Variants in MSRA observed in about 807,000 individuals in gnomAD.
MSRA encodes the protein methionine sulfoxide reductase A, also known as mitochondrial peptide methionine sulfoxide reductase.
Under a neutral mutation model 31.3 loss-of-function variants are expected in MSRA, and 54 were observed. That is an observed-to-expected ratio of 1.73 (90% CI 1.39 to 2.17). MSRA has a LOEUF of 2.17. Among genes scored for constraint, MSRA ranks in the 30% most tolerant of loss-of-function variants. The pLI, the probability that MSRA is intolerant of heterozygous loss-of-function variation, is 0.00. For synonymous variants in MSRA, 169 were observed against 116.5 expected (o/e 1.45, Z -2.90); for missense variants, 507 against 300.9 (o/e 1.69, Z -5.07).
intron 3 of MSRA, among the ~76,000 whole-genome samples, chr8:10,287,695 G>A (rs757015453): frequency 3.9e-5 from 6 of 152,136 alleles, no homozygotes; most frequent in African/African-American, 7.2e-5. Flanking sequence ...ACAGGCAAAG[G>A]CACGTAGTCT....
intron 3 of MSRA, among the ~76,000 whole-genome samples, chr8:10,260,845 G>T (rs138908629): frequency 2.0e-5 from 3 of 152,162 alleles, no homozygotes; most frequent in African/African-American, 7.2e-5. Context: ...TCTGAATGTT[G>T]TAATCGTATG....
At chr8:10,378,787 A>T (rs971081352) in intron 5 of MSRA, among the ~76,000 whole-genome samples, 4 of 152,238 alleles carry the variant, frequency 2.6e-5, no homozygotes, top group African/African-American at 9.6e-5. Context: ...CCAGTAATTC[A>T]TGTTTAAAAA....
chr8:10,263,685 T>A (rs1004098624), intron 3 of MSRA, among the ~76,000 whole-genome samples: 5 of 152,116 alleles, frequency 3.3e-5, no homozygotes, highest in Non-Finnish European at 7.3e-5. Context: ...ACACCTTGGG[T>A]CTTTCTGAAG....
At chr8:10,076,051 A>T (rs930721286) in intron 1 of MSRA, among the ~76,000 whole-genome samples, 1 of 152,084 alleles carries the variant, frequency 6.6e-6, no homozygotes, top group Non-Finnish European at 1.5e-5. Context: ...CAGGGACTTC[A>T]CGTCTGGACT....
chr8:10,080,437 C>T (rs564515279), intron 1 of MSRA, among the ~76,000 whole-genome samples: 1 of 152,030 alleles, frequency 6.6e-6, no homozygotes, highest in Admixed American at 6.5e-5. Context: ...TGGTTTCCTC[C>T]AGGAGCCGAG....
At chr8:10,260,035 G>T (rs1348634869) in intron 3 of MSRA, among the ~76,000 whole-genome samples, 2 of 152,262 alleles carry the variant, frequency 1.3e-5, no homozygotes, top group Admixed American at 6.5e-5. Flanking sequence ...AGAGGGAGCA[G>T]TTCCGGGAAA....
chr8:10,170,690 T>C (rs1805518180), intron 1 of MSRA, among the ~76,000 whole-genome samples: 1 of 152,238 alleles, frequency 6.6e-6, no homozygotes, highest in African/African-American at 2.4e-5. Context: ...TACATGCTTA[T>C]ACTGTGCCAT....
intron 3 of MSRA, among the ~76,000 whole-genome samples, chr8:10,291,672 C>G (rs971044382): frequency 6.6e-6 from 1 of 152,036 alleles, no homozygotes; most frequent in Non-Finnish European, 1.5e-5. Flanking sequence ...CACCCACCCT[C>G]GCCCCTTTCT....
intron 1 of MSRA, among the ~76,000 whole-genome samples, chr8:10,167,116 C>G (rs1477905108): frequency 1.3e-5 from 2 of 152,128 alleles, no homozygotes; most frequent in Non-Finnish European, 2.9e-5. Context: ...CATTCTCTTC[C>G]AACACTGCTT....
At chr8:10,378,581 G>A (rs763199810) in intron 5 of MSRA, among the ~76,000 whole-genome samples, 34 of 152,148 alleles carry the variant, frequency 2.2e-4, no homozygotes, top group Admixed American at 1.5e-3. Context: ...TTCATCTCCC[G>A]GCCAGGAGAG....
At chr8:10,310,295 T>C (rs1392734719) in intron 4 of MSRA, among the ~76,000 whole-genome samples, 1 of 152,216 alleles carries the variant, frequency 6.6e-6, no homozygotes, top group Non-Finnish European at 1.5e-5. Flanking sequence ...TGAAAGGGAT[T>C]TCATTCTTTT....
chr8:10,063,079 C>G (rs1387669354), intron 1 of MSRA, among the ~76,000 whole-genome samples: 4 of 152,172 alleles, frequency 2.6e-5, no homozygotes, highest in Non-Finnish European at 5.9e-5. Context: ...TAAGCCTGAA[C>G]TCAGATCTAA....
chr8:10,349,982 G>A (rs1476873315), intron 5 of MSRA, among the ~76,000 whole-genome samples: 1 of 152,236 alleles, frequency 6.6e-6, no homozygotes, highest in African/African-American at 2.4e-5. Flanking sequence ...TCCAGCTACC[G>A]CTGAAGCTTG....
At chr8:10,106,624 GC>G (rs1295590664) in intron 1 of MSRA, among the ~76,000 whole-genome samples, 1 of 152,172 alleles carries the variant, frequency 6.6e-6, no homozygotes, top group African/African-American at 2.4e-5. Context: ...AAGTGCCTGG[GC>G]TTGTTAGTAG....
At chr8:10,361,220 G>C (rs1804826817) in intron 5 of MSRA, among the ~76,000 whole-genome samples, 2 of 152,184 alleles carry the variant, frequency 1.3e-5, no homozygotes, top group Non-Finnish European at 2.9e-5. Context: ...CAAGATAACA[G>C]GCCTTTTGAA....
intron 2 of MSRA, among the ~76,000 whole-genome samples, chr8:10,210,873 A>C (rs1262009600): frequency 6.6e-6 from 1 of 151,624 alleles, no homozygotes; most frequent in African/African-American, 2.4e-5. Flanking sequence ...AGCTGGGATT[A>C]CAGGTGTGCA....
intron 3 of MSRA, among the ~76,000 whole-genome samples, chr8:10,252,291 T>C (rs992919870): frequency 3.3e-5 from 5 of 152,116 alleles, no homozygotes; most frequent in Non-Finnish European, 2.9e-5. Flanking sequence ...CCCATTCTGC[T>C]CCTCTCAGTG....
intron 3 of MSRA, among the ~76,000 whole-genome samples, chr8:10,253,493 G>T (rs972185711): frequency 6.6e-6 from 1 of 152,098 alleles, no homozygotes; most frequent in Non-Finnish European, 1.5e-5. Flanking sequence ...TTCAAATAGG[G>T]CATTTAAGTA....
chr8:10,183,852 G>A (rs1257872085), intron 1 of MSRA, among the ~76,000 whole-genome samples: 2 of 151,586 alleles, frequency 1.3e-5, no homozygotes, highest in Admixed American at 6.6e-5. Flanking sequence ...TAGTGATGGT[G>A]TTGACAGTAG....
Sources: gnomAD v4.1 joint callset for allele counts (sites outside exome capture counted in the v4.1 genomes callset) on GRCh38, gnomAD v4.1.1 for gene constraint, MANE v1.5 for transcripts, NCBI Gene and HGNC (gene_info 2026-07-23, HGNC 2026-07-21) for gene names.